The following TACC2 variants were observed in gnomAD, a reference collection of about 807,000 sequenced individuals.
TACC2 encodes transforming acidic coiled-coil-containing protein 2.
A neutral mutation model predicts 227.3 loss-of-function variants in TACC2; 137 were observed. The observed-to-expected ratio is 0.60, with a 90% CI of 0.52 to 0.69. The LOEUF (loss-of-function observed/expected upper bound fraction) is 0.69. Ranked by LOEUF, TACC2 falls within the 30% of genes least tolerant of loss-of-function variation. The pLI is 0.00. For synonymous variants in TACC2, 1,523 were observed against 1,487.5 expected, an observed-to-expected ratio of 1.02 and a Z score of -0.55; for missense variants, 3,470 against 3,694.4, an observed-to-expected ratio of 0.94 and a Z score of 1.57.
chr10:122,043,243 A>G (rs1276981819), intron 2 of TACC2, among the ~76,000 whole-genome samples: 1 of 152,132 alleles, frequency 6.6e-6, no homozygotes, highest in Non-Finnish European at 1.5e-5. Flanking sequence ...CCACCTACAA[A>G]CTACAGACAT....
chr10:122,135,931 C>T (rs948468175), intron 6 of TACC2, among the ~76,000 whole-genome samples: 4 of 152,242 alleles, frequency 2.6e-5, no homozygotes, highest in African/African-American at 7.2e-5. Context: ...AAGCATGATG[C>T]TGAAGTCCCC....
chr10:122,075,908 T>C (rs1328658925), intron 3 of TACC2, among the ~76,000 whole-genome samples: 1 of 152,212 alleles, frequency 6.6e-6, no homozygotes, highest in African/African-American at 2.4e-5. Context: ...CAAGCAATCC[T>C]CCTGCTTCAG....
intron 1 of TACC2, among the ~76,000 whole-genome samples, chr10:122,004,188 A>C (rs570896659): frequency 1.4e-4 from 21 of 152,036 alleles, no homozygotes; most frequent in Non-Finnish European, 2.9e-4. Context: ...ACCTAAGGTC[A>C]GGAGTTCAAG....
intron 9 of TACC2, among the ~76,000 whole-genome samples, chr10:122,214,259 A>G (rs910801650): frequency 3.3e-5 from 5 of 152,220 alleles, no homozygotes; most frequent in African/African-American, 9.7e-5. Flanking sequence ...ATATGGTTAT[A>G]TATTTATATG....
At chr10:122,061,750 C>G (rs2459087) in intron 3 of TACC2, among the ~76,000 whole-genome samples, 138,934 of 152,126 alleles carry the variant, frequency 0.91, 64,341 homozygotes, top group East Asian at 1. Flanking sequence ...TCTAGAGAAA[C>G]GCATGCAAAT....
intron 8 of TACC2, among the ~76,000 whole-genome samples, chr10:122,196,328 G>A (rs1392289133): frequency 2.0e-5 from 3 of 152,204 alleles, no homozygotes; most frequent in Non-Finnish European, 4.4e-5. Flanking sequence ...GGACAAGGGG[G>A]CAGGACAGTT....
intron 3 of TACC2, among the ~76,000 whole-genome samples, chr10:122,074,934 A>G (rs1297650992): frequency 1.3e-5 from 2 of 152,132 alleles, no homozygotes; most frequent in South Asian, 2.1e-4. Flanking sequence ...TTCGCACAAC[A>G]TATCCCATGG....
intron 5 of TACC2, among the ~76,000 whole-genome samples, chr10:122,131,181 A>G (rs914328306): frequency 6.8e-6 from 1 of 147,502 alleles, no homozygotes; most frequent in African/African-American, 2.5e-5. Context: ...CTTTCTCAAA[A>G]AAAAAAAAAA....
At chr10:121,995,082 C>A (rs1953266739) in intron 1 of TACC2, among the ~76,000 whole-genome samples, 1 of 152,150 alleles carries the variant, frequency 6.6e-6, no homozygotes, top group African/African-American at 2.4e-5. Flanking sequence ...CAGAGAGAAC[C>A]CCTAAGGCCC....
intron 2 of TACC2, among the ~76,000 whole-genome samples, chr10:122,049,156 T>A (rs535285865): frequency 3.3e-5 from 5 of 152,316 alleles, no homozygotes; most frequent in Non-Finnish European, 7.3e-5. Flanking sequence ...AAATTCAGCT[T>A]GTACCCACCT....
rs1448328610 is a variant in TACC2, at chr10:122,078,199, A to G, written c.147-4448A>G. The stretch of plus-strand genomic sequence containing the variant: ...GACAGAGCGAGACTCCATCTCCAAA[A>G]AAAAAAAAAAAAAAAAAAAAAAAAA... On this transcript the variant is annotated intron_variant, in intron 3 of 22. Transcript: ENST00000369005. 6.8e-3 allele frequency among the ~76,000 whole-genome samples: 760 copies of G among 111,994 alleles called. 11 individuals are homozygous for G. The highest frequency in any genetic ancestry group is 0.021 in the African/African-American group (723 of 34,028). The allele number at this position is 111,994 out of a possible 152,430, so 73.5% of individuals were successfully genotyped here.
intron 8 of TACC2, among the ~76,000 whole-genome samples, chr10:122,201,641 C>CA (rs1467203065): frequency 6.6e-6 from 1 of 152,232 alleles, no homozygotes; most frequent in Admixed American, 6.5e-5. Context: ...CTTGACTGCT[C>CA]TCCACATCCA....
intron 16 of TACC2, 42 bp downstream of exon 16, chr10:122,230,482 A>C: frequency 1.3e-6 from 2 of 1,568,328 alleles, no homozygotes; most frequent in East Asian, 2.2e-5. Flanking sequence ...TGAGAATGTC[A>C]TGTGTGCCGC....
chr10:122,156,022 A>G (rs1354285118), intron 7 of TACC2, among the ~76,000 whole-genome samples: 1 of 150,624 alleles, frequency 6.6e-6, no homozygotes, highest in African/African-American at 2.4e-5. Context: ...TATTTTTAGT[A>G]GAGACGAGGT....
At chr10:122,187,254 C>G (rs1593089082) in intron 7 of TACC2, among the ~76,000 whole-genome samples, 1 of 152,174 alleles carries the variant, frequency 6.6e-6, no homozygotes. Context: ...GTCCCTTGGC[C>G]CTGGACCTGG....
intron 5 of TACC2, among the ~76,000 whole-genome samples, chr10:122,098,904 G>A (rs927734400): frequency 9.9e-5 from 15 of 152,152 alleles, no homozygotes; most frequent in Admixed American, 5.2e-4. Context: ...TATTGTATAG[G>A]ATGCGAAGTG....
At chr10:122,226,327 A>G (rs1345518654) in intron 12 of TACC2, 39 bp from the exon 13 acceptor site, 65 of 1,462,406 alleles carry the variant, frequency 4.4e-5, no homozygotes, top group Non-Finnish European at 6.2e-5. Flanking sequence ...CGTTCAGGCC[A>G]ACTGTACCCA....
chr10:122,155,146 G>A (rs926739098), intron 7 of TACC2, among the ~76,000 whole-genome samples: 2 of 152,162 alleles, frequency 1.3e-5, no homozygotes, highest in African/African-American at 2.4e-5. Context: ...CTGTGCTTTC[G>A]TCTCGGAAGC....
intron 2 of TACC2, among the ~76,000 whole-genome samples, chr10:122,035,937 C>A (rs1181371157): frequency 6.6e-6 from 1 of 152,104 alleles, no homozygotes; most frequent in Admixed American, 6.6e-5. Context: ...CTCAGCCTCC[C>A]TAGTAGCTAG....
Sources: gnomAD v4.1 joint callset for allele counts (sites outside exome capture counted in the v4.1 genomes callset) on GRCh38, gnomAD v4.1.1 for gene constraint, MANE v1.5 for transcripts, NCBI Gene and HGNC (gene_info 2026-07-23, HGNC 2026-07-21) for gene names.